EXOC6: variants seen among roughly 807,000 people sequenced by gnomAD.
EXOC6 encodes exocyst complex component 6.
A neutral mutation model predicts 112.5 loss-of-function variants in EXOC6; 60 were observed. The observed-to-expected ratio is 0.53, with a 90% CI of 0.43 to 0.66. The LOEUF (loss-of-function observed/expected upper bound fraction) is 0.66, where lower values mean the gene tolerates loss of function less well. EXOC6 is among the 30% of genes least tolerant of loss of function. EXOC6 has a pLI of 0.00. For synonymous variants in EXOC6, 295 were observed against 308.0 expected, an observed-to-expected ratio of 0.96 and a Z score of 0.44; for missense variants, 855 against 957.1, an observed-to-expected ratio of 0.89 and a Z score of 1.41.
chr10:92,857,586 C>T (rs1847660629), intron 1 of EXOC6, among the ~76,000 whole-genome samples: 1 of 152,096 alleles, frequency 6.6e-6, no homozygotes, highest in South Asian at 2.1e-4. Context: ...AATGGCTTTG[C>T]TCCCACATAC....
chr10:92,944,898 G>A (rs886991976), intron 13 of EXOC6, among the ~76,000 whole-genome samples: 1 of 151,578 alleles, frequency 6.6e-6, no homozygotes, highest in East Asian at 1.9e-4. Context: ...TCAGCCTTCC[G>A]AGTAGCTGGG....
chr10:92,894,659 C>A, intron 2 of EXOC6, 135 bp from the exon 3 acceptor site: 1 of 651,764 alleles, frequency 1.5e-6, no homozygotes, highest in Non-Finnish European at 2.6e-6. Context: ...CAAGTTCAAG[C>A]TGTAGAGTTA....
At chr10:92,835,989 T>C (rs1846645078) in intron 1 of EXOC6, among the ~76,000 whole-genome samples, 1 of 152,236 alleles carries the variant, frequency 6.6e-6, no homozygotes, top group Admixed American at 6.5e-5. Context: ...TACTTTAAAT[T>C]GTACCATTGC....
chr10:92,969,041 C>T (rs1486743935), intron 17 of EXOC6, among the ~76,000 whole-genome samples: 1 of 152,158 alleles, frequency 6.6e-6, no homozygotes, highest in Admixed American at 6.5e-5. Flanking sequence ...GTATCCCCTT[C>T]TCTTGATCTG....
Position 92,948,365 on chromosome 10 carries a change from C to T in EXOC6, c.1402C>T (p.Pro468Ser). 6.3e-7 allele frequency: 1 copy of T among 1,589,656 alleles called. No individual in the cohort carries two copies. Among genetic ancestry groups the T allele is most frequent in the Non-Finnish European group, 8.6e-7 (1 of 1,165,752 alleles). The part of the protein sequence containing the change: ...IVISKFPFQD[P>S]DLEKQSFPKK... ...CATCAGCAAATTTCCCTTTCAAGAT[C>T]CAGACCTTGAAAAGGTACAAGCTAG... is the stretch of plus-strand genomic sequence containing the variant. The change falls in exon 14 of 22, where the codon CCA (proline) becomes TCA (serine). Residue 468 changes from proline (P) to serine (S), a missense_variant. Physicochemically the swap from Pro to Ser is moderately conservative, Grantham distance 74. This residue lies in a region of EXOC6 where 450 missense variants were observed against 563.5 expected (regional missense o/e 0.80). Transcript: ENST00000260762.
At chr10:92,900,799 T>G (rs1564814156) in intron 5 of EXOC6, 1 of 152,180 alleles carries the variant, frequency 6.6e-6, no homozygotes, top group African/African-American at 2.4e-5. Context: ...CTTTTAATTA[T>G]TACCATATTA....
Position 92,952,317 on chromosome 10 carries a change from T to C in EXOC6, c.1461T>C (p.His487=), listed in dbSNP as rs777318168. The change falls in exon 15 of 22, where the codon CAT becomes CAC. Residue 487 remains histidine (H), a synonymous_variant. Transcript: ENST00000260762. ...TCCCCATGTCTCAGTCAGTGCCTCA[T>C]ATTTACATTCAAGTTAAAGAATTTA... ...KKFPMSQSVP[H]IYIQVKEFIY... 4 of 1,613,098 alleles carry C rather than the reference T, an allele frequency of 2.5e-6. No homozygotes were observed. In the Admixed American group the frequency reaches 5.0e-5, roughly 20 times the overall value.
chr10:92,954,111 T>C (rs1589902895), intron 15 of EXOC6, among the ~76,000 whole-genome samples: 1 of 152,006 alleles, frequency 6.6e-6, no homozygotes, highest in Non-Finnish European at 1.5e-5. Flanking sequence ...TGCAACCCTG[T>C]TTCTATAAAA....
chr10:92,904,450 T>G (rs561404785), intron 5 of EXOC6, among the ~76,000 whole-genome samples: 2 of 152,212 alleles, frequency 1.3e-5, no homozygotes, highest in East Asian at 3.9e-4. Context: ...CTCCACATCC[T>G]CCACAGGATT....
At chr10:93,015,238 A>G (rs958676235) in intron 20 of EXOC6, among the ~76,000 whole-genome samples, 1 of 152,234 alleles carries the variant, frequency 6.6e-6, no homozygotes. Context: ...CAGTTTGAGC[A>G]GTTAAGAAAC....
chr10:92,902,089 C>G (rs1350384531), intron 5 of EXOC6, among the ~76,000 whole-genome samples: 1 of 152,036 alleles, frequency 6.6e-6, no homozygotes, highest in African/African-American at 2.4e-5. Context: ...CATACACACA[C>G]ACACACACAC....
intron 1 of EXOC6, among the ~76,000 whole-genome samples, chr10:92,892,025 A>G (rs1030028984): frequency 2.0e-5 from 3 of 152,220 alleles, no homozygotes; most frequent in Non-Finnish European, 4.4e-5. Context: ...ATTACTTGGC[A>G]TGGGAATGAT....
intron 20 of EXOC6, among the ~76,000 whole-genome samples, chr10:93,050,769 A>AAAAAAAAAAAAAAAAAAAAAAAAAC (rs1846248556): frequency 6.9e-6 from 1 of 145,922 alleles, no homozygotes; most frequent in Non-Finnish European, 1.5e-5. Flanking sequence ...CAAAAAAAAA[A>AAAAAAAAAAAAAAAAAAAAAAAAAC]AAAAAAAAAA....
intron 1 of EXOC6, among the ~76,000 whole-genome samples, chr10:92,876,733 A>G (rs1170189553): frequency 1.3e-5 from 2 of 152,160 alleles, no homozygotes; most frequent in Non-Finnish European, 2.9e-5. Context: ...CAGTTCCCAG[A>G]CAGGCATCCA....
intron 1 of EXOC6, among the ~76,000 whole-genome samples, chr10:92,872,394 G>T (rs1429302722): frequency 6.6e-6 from 1 of 151,838 alleles, no homozygotes; most frequent in Non-Finnish European, 1.5e-5. Context: ...ATTAATTGAG[G>T]TTTTATTAGT....
intron 20 of EXOC6, among the ~76,000 whole-genome samples, chr10:93,045,946 A>G (rs529831958): frequency 7.9e-5 from 12 of 152,380 alleles, no homozygotes; most frequent in Admixed American, 5.9e-4. Flanking sequence ...TAAATAGCCT[A>G]GTCTGGCTTT....
intron 1 of EXOC6, among the ~76,000 whole-genome samples, chr10:92,862,056 C>T (rs887306174): frequency 2.6e-5 from 4 of 152,310 alleles, no homozygotes; most frequent in Middle Eastern, 3.4e-3. Flanking sequence ...TTAGTACATT[C>T]ACAGTGCTGT....
intron 12 of EXOC6, among the ~76,000 whole-genome samples, chr10:92,938,470 A>G (rs1267099001): frequency 3.3e-5 from 5 of 152,134 alleles, no homozygotes; most frequent in African/African-American, 1.2e-4. Context: ...GTTACATAAT[A>G]CTTAGTTTTT....
At chr10:92,951,514 A>T (rs1273666769) in intron 14 of EXOC6, among the ~76,000 whole-genome samples, 1 of 152,198 alleles carries the variant, frequency 6.6e-6, no homozygotes, top group Non-Finnish European at 1.5e-5. Flanking sequence ...AAACCACTGG[A>T]TTGAACAACT....
Sources: allele counts gnomAD v4.1 joint callset (sites outside exome capture counted in the v4.1 genomes callset), GRCh38; gene constraint gnomAD v4.1.1; regional missense constraint gnomAD v4.1.1; transcripts MANE v1.5; gene names NCBI Gene and HGNC (gene_info 2026-07-23, HGNC 2026-07-21).